LDLRAD4: variants seen among roughly 807,000 people sequenced by gnomAD.
The protein encoded by LDLRAD4 is low density lipoprotein receptor class A domain containing 4.
A neutral mutation model predicts 17.0 loss-of-function variants in LDLRAD4; 5 were observed. That is an observed-to-expected ratio of 0.29 (90% confidence interval 0.15 to 0.62). The LOEUF is 0.62. Among genes scored for constraint, LDLRAD4 ranks in the 20% least tolerant of loss-of-function variants. The pLI is 0.84. For synonymous variants in LDLRAD4, 168 were observed against 171.8 expected (o/e 0.98, Z 0.17); for missense variants, 340 against 424.7 (o/e 0.80, Z 1.75).
rs559619971 is a variant in LDLRAD4, at chr18:13,325,322, G to A, written c.-383+47134G>A. 2.6e-5 allele frequency among the ~76,000 whole-genome samples: 4 copies of A among 152,336 alleles called. No individual in the cohort carries two copies. In the East Asian group the frequency reaches 7.7e-4, roughly 29 times the overall value. ...GGACTTCTCAGGGAGGCCAACAGCA[G>A]AGCTTTGATCCCTCAAGGAAGACGC... On this transcript the variant is annotated intron_variant, in intron 1 of 5. Transcript: ENST00000359446.
chr18:13,287,636 G>A (rs1296185662), intron 1 of LDLRAD4, among the ~76,000 whole-genome samples: 5 of 152,126 alleles, frequency 3.3e-5, no homozygotes, highest in Non-Finnish European at 2.9e-5. Flanking sequence ...GGGGTGGGGC[G>A]GGAGGTGCCC....
At chr18:13,269,552 G>T (rs978906924) in intron 1 of LDLRAD4, among the ~76,000 whole-genome samples, 2 of 152,028 alleles carry the variant, frequency 1.3e-5, no homozygotes, top group East Asian at 3.8e-4. Flanking sequence ...AATGAACCGG[G>T]GTAGATGATC....
chr18:13,249,427 A>G (rs770241870), intron 1 of LDLRAD4, among the ~76,000 whole-genome samples: 2 of 152,200 alleles, frequency 1.3e-5, no homozygotes, highest in Non-Finnish European at 2.9e-5. Flanking sequence ...TCTTTTTGAT[A>G]GTGGCCATGC....
chr18:13,262,495 C>A (rs372592322), intron 1 of LDLRAD4, among the ~76,000 whole-genome samples: 10 of 96,906 alleles, frequency 1.0e-4, no homozygotes, highest in African/African-American at 4.0e-4. Flanking sequence ...CGGCCCTGTG[C>A]GTGGAAACTG....
chr18:13,489,110 A>G (rs1447824292), intron 3 of LDLRAD4: 1 of 151,892 alleles, frequency 6.6e-6, no homozygotes, highest in Non-Finnish European at 1.5e-5. Flanking sequence ...AATTCCTGGA[A>G]AAAGGTGGAG....
chr18:13,578,588 C>T (rs770318956), intron 3 of LDLRAD4, among the ~76,000 whole-genome samples: 12 of 152,282 alleles, frequency 7.9e-5, no homozygotes, highest in African/African-American at 1.2e-4. Flanking sequence ...CGGAAGAAGG[C>T]GTGCCCACCT....
chr18:13,595,140 A>G (rs1465954268), intron 3 of LDLRAD4, among the ~76,000 whole-genome samples: 3 of 152,006 alleles, frequency 2.0e-5, no homozygotes, highest in African/African-American at 4.8e-5. Context: ...ATGTCAGTCT[A>G]CTAAAGATTT....
At chr18:13,571,803 A>T (rs1035260944) in intron 3 of LDLRAD4, among the ~76,000 whole-genome samples, 7 of 152,064 alleles carry the variant, frequency 4.6e-5, no homozygotes, top group Non-Finnish European at 1.0e-4. Flanking sequence ...TGCCTGGCTA[A>T]TTTTTTGTGT....
Position 13,610,265 on chromosome 18 carries a change from A to ATTTTTTTTTTTTTTTTTTTTT in LDLRAD4, c.182-10832_182-10812dup, listed in dbSNP as rs1157718015. 3.2e-5 allele frequency among the ~76,000 whole-genome samples: 2 copies of ATTTTTTTTTTTTTTTTTTTTT among 62,480 alleles called. 1 individual carries two copies. Among genetic ancestry groups the ATTTTTTTTTTTTTTTTTTTTT allele is most frequent in the Non-Finnish European group, 6.7e-5 (2 of 29,694 alleles). 41.0% of individuals were successfully genotyped at this position (62,480 alleles called of 152,430 possible). A position where few individuals can be genotyped will look rare whatever the true frequency, so the allele number is the denominator to read the frequency against. On this transcript the variant is annotated intron_variant, in intron 3 of 5. Transcript: ENST00000359446. Reference sequence around the variant, plus strand: ...TTCCATGAAGTTCACCAAAGCCCTAATTTTTTTTTTTTTTTTTTTTTTTTT... The same window carrying ATTTTTTTTTTTTTTTTTTTTT: ...TTCCATGAAGTTCACCAAAGCCCTAATTTTTTTTTTTTTTTTTTTTTTTTTTTTTTTTTTTTTTTTTTTTTT...
intron 3 of LDLRAD4, among the ~76,000 whole-genome samples, chr18:13,486,302 C>T (rs984205133): frequency 6.6e-6 from 1 of 152,204 alleles, no homozygotes; most frequent in African/African-American, 2.4e-5. Context: ...TTGTGACTTT[C>T]CCCCTTACTG....
intron 1 of LDLRAD4, among the ~76,000 whole-genome samples, chr18:13,267,449 G>C (rs1451438709): frequency 6.6e-6 from 1 of 152,250 alleles, no homozygotes; most frequent in Non-Finnish European, 1.5e-5. Flanking sequence ...TGGAATTTGA[G>C]AAGAACGGGG....
At chr18:13,580,205 A>G (rs2094837259) in intron 3 of LDLRAD4, among the ~76,000 whole-genome samples, 1 of 152,172 alleles carries the variant, frequency 6.6e-6, no homozygotes, top group Non-Finnish European at 1.5e-5. Flanking sequence ...CAAAGCCTTC[A>G]GTGGCTTTTC....
intron 3 of LDLRAD4, among the ~76,000 whole-genome samples, chr18:13,598,966 G>A (rs2148614467): frequency 6.6e-6 from 1 of 152,344 alleles, no homozygotes; most frequent in South Asian, 2.1e-4. Flanking sequence ...GCTAGAAGCA[G>A]TTGGGACCAT....
intron 2 of LDLRAD4, among the ~76,000 whole-genome samples, chr18:13,432,513 C>T (rs1389115917): frequency 2.6e-5 from 4 of 152,168 alleles, no homozygotes; most frequent in African/African-American, 7.2e-5. Context: ...GTGGCTGTTT[C>T]TGGTTGATTG....
rs115995111 is a variant in LDLRAD4 at position 13,281,882 on chromosome 18, C to T, written c.-383+3694C>T. Among the ~76,000 whole-genome samples the T allele has an allele frequency of 4.3e-3, 656 of 152,186 alleles. 7 individuals are homozygous for T. Among genetic ancestry groups the T allele is most frequent in the African/African-American group, 0.015 (631 of 41,506 alleles). On this transcript the variant is annotated intron_variant, in intron 1 of 5. Coordinates refer to ENST00000359446, the Ensembl canonical transcript of LDLRAD4. ...CTTCAACTTCAGGGTTGTATTAGTC[C>T]GGATTCATGCTGCTGATAAAGATAT...
intron 1 of LDLRAD4, among the ~76,000 whole-genome samples, chr18:13,340,449 C>T (rs1207669901): frequency 1.3e-5 from 2 of 152,000 alleles, no homozygotes; most frequent in Non-Finnish European, 2.9e-5. Flanking sequence ...TAAGTAGCCA[C>T]GTTAATATGT....
At chr18:13,340,491 T>G (rs993807696) in intron 1 of LDLRAD4, among the ~76,000 whole-genome samples, 1 of 152,192 alleles carries the variant, frequency 6.6e-6, no homozygotes, top group Non-Finnish European at 1.5e-5. Context: ...TGATTTGTGA[T>G]GTTGAGCACC....
rs928352011 is a variant in LDLRAD4 at position 13,534,251 on chromosome 18, G to A, written c.182-86866G>A. Among the ~76,000 whole-genome samples the A allele has an allele frequency of 2.6e-5, 4 of 152,132 alleles. 1 individual carries two copies. The South Asian group carries it at 8.3e-4, about 32-fold the overall frequency. On this transcript the variant is annotated intron_variant, in intron 3 of 5. Coordinates refer to ENST00000359446, the Ensembl canonical transcript of LDLRAD4. Reference sequence around the variant, plus strand: ...ATATATCAACACTTTTTAAATTAAAGGCTAATGAGCTCACTGCACAGCCTG... The same window carrying A: ...ATATATCAACACTTTTTAAATTAAAAGCTAATGAGCTCACTGCACAGCCTG...
At chr18:13,394,074 CT>C (rs1380369960) in intron 2 of LDLRAD4, among the ~76,000 whole-genome samples, 1 of 152,196 alleles carries the variant, frequency 6.6e-6, no homozygotes, top group Non-Finnish European at 1.5e-5. Context: ...AATGCTTTTT[CT>C]GCAGGGAAGT....
Sources: gnomAD v4.1 joint callset for allele counts (sites outside exome capture counted in the v4.1 genomes callset) on GRCh38, gnomAD v4.1.1 for gene constraint, MANE v1.5 for transcripts, NCBI Gene and HGNC (gene_info 2026-07-23, HGNC 2026-07-21) for gene names.